NRG3: variants seen among roughly 807,000 people sequenced by gnomAD.
NRG3 encodes the protein pro-neuregulin-3, membrane-bound isoform.
A neutral mutation model predicts 66.9 loss-of-function variants in NRG3; 31 were observed. That is an observed-to-expected ratio of 0.46 (90% CI 0.35 to 0.63). The LOEUF is 0.63. Among genes scored for constraint, NRG3 ranks in the 20% least tolerant of loss-of-function variants. The pLI, the probability that NRG3 is intolerant of heterozygous loss-of-function variation, is 0.00. For synonymous variants in NRG3, 393 were observed against 359.4 expected, an observed-to-expected ratio of 1.09 and a Z score of -1.06; for missense variants, 910 against 878.9, an observed-to-expected ratio of 1.04 and a Z score of -0.45.
chr10:82,794,981 T>A (rs1010421915), intron 3 of NRG3, among the ~76,000 whole-genome samples: 6 of 152,192 alleles, frequency 3.9e-5, no homozygotes, highest in Non-Finnish European at 8.8e-5. Flanking sequence ...CAAATCATCA[T>A]GTGGACAGAA....
At chr10:82,335,210 A>T (rs1449398313) in intron 1 of NRG3, among the ~76,000 whole-genome samples, 1 of 152,218 alleles carries the variant, frequency 6.6e-6, no homozygotes, top group Non-Finnish European at 1.5e-5. Flanking sequence ...TGATGTTTAG[A>T]TGTGATGCCT....
intron 1 of NRG3, among the ~76,000 whole-genome samples, chr10:82,138,186 G>C (rs764670194): frequency 3.5e-4 from 54 of 152,168 alleles, no homozygotes; most frequent in Admixed American, 1.7e-3. Flanking sequence ...GTGTGTGTGT[G>C]TTTTGTCTTG....
chr10:82,717,851 CT>C (rs57465728), intron 2 of NRG3, among the ~76,000 whole-genome samples: 352 of 143,584 alleles, frequency 2.5e-3, no homozygotes, highest in Admixed American at 2.3e-3. Flanking sequence ...ATTGAAAAGT[CT>C]TTTTTTTTTT....
At position 82,986,702 on chromosome 10, in the gene NRG3, A is replaced by G. The variant is rs765988867; in HGVS notation, c.*1097A>G. The G allele has an allele frequency of 1.3e-5, 2 of 152,176 alleles. No homozygotes were observed. Among genetic ancestry groups the G allele is most frequent in the Non-Finnish European group, 2.9e-5 (2 of 68,036 alleles). The allele number at this position is 152,176 out of a possible 1,614,324, so 9.4% of individuals were successfully genotyped here. The stretch of plus-strand genomic sequence containing the variant: ...AGGATCAACTATTGGCTCATTAATG[A>G]TATCAGTATCATAAGGTGAGTTCAT... On this transcript the variant is annotated 3_prime_UTR_variant, in exon 9 of 9. Coordinates refer to ENST00000372141, the MANE Select transcript of NRG3 (RefSeq NM_001010848.4).
rs1194622758 is a variant in NRG3 at position 82,899,016 on chromosome 10, T to C, written c.1054+33579T>C. The stretch of plus-strand genomic sequence containing the variant: ...TGAGCCACCGCATCTGGCCAGGAGT[T>C]TTTATTTCATTGGTTACACGCAGTG... On this transcript the variant is annotated intron_variant, in intron 4 of 8. Transcript: ENST00000372141. Among the ~76,000 whole-genome samples the C allele has an allele frequency of 2.0e-5, 3 of 152,114 alleles. No individual in the cohort carries two copies. In the South Asian group the frequency reaches 6.2e-4, roughly 32 times the overall value.
intron 2 of NRG3, among the ~76,000 whole-genome samples, chr10:82,476,168 GA>G (rs1257413436): frequency 6.6e-6 from 1 of 152,124 alleles, no homozygotes; most frequent in Non-Finnish European, 1.5e-5. Flanking sequence ...TGGCTAATAT[GA>G]AAAACAAAGC....
chr10:82,210,286 G>A (rs762941923), intron 1 of NRG3, among the ~76,000 whole-genome samples: 5 of 152,078 alleles, frequency 3.3e-5, no homozygotes, highest in East Asian at 1.9e-4. Flanking sequence ...ATTAAAGTCC[G>A]GCTCCCATCT....
chr10:82,182,370 G>A lies in NRG3; in HGVS notation c.824-176369G>A, dbSNP rs879095762. Among the ~76,000 whole-genome samples, 9 of 151,414 alleles carry A rather than the reference G, an allele frequency of 5.9e-5. No individual in the cohort carries two copies. In the South Asian group the frequency reaches 1.9e-3, roughly 32 times the overall value. ...CTTTATGTTTCATTGATTTTTTATA[G>A]TGACATGCATTGTTTTCTTTCTCAT... On this transcript the variant is annotated intron_variant, in intron 1 of 8. Transcript: ENST00000372141.
intron 2 of NRG3, among the ~76,000 whole-genome samples, chr10:82,651,776 G>A (rs185294970): frequency 6.6e-6 from 1 of 152,158 alleles, no homozygotes; most frequent in Non-Finnish European, 1.5e-5. Flanking sequence ...TGGCCTCATA[G>A]ATATATGAGG....
At chr10:82,112,936 T>A (rs530029344) in intron 1 of NRG3, among the ~76,000 whole-genome samples, 1 of 152,220 alleles carries the variant, frequency 6.6e-6, no homozygotes, top group South Asian at 2.1e-4. Context: ...TGCCCCATGG[T>A]TGATGAAATA....
intron 1 of NRG3, among the ~76,000 whole-genome samples, chr10:82,251,182 A>T (rs1342789082): frequency 6.6e-6 from 1 of 152,100 alleles, no homozygotes; most frequent in African/African-American, 2.4e-5. Flanking sequence ...TGGCACTTAA[A>T]GCTTCCTTAG....
At chr10:82,057,700 A>C (rs932248602) in intron 1 of NRG3, among the ~76,000 whole-genome samples, 2 of 152,088 alleles carry the variant, frequency 1.3e-5, no homozygotes, top group African/African-American at 4.8e-5. Flanking sequence ...AGAATTATCA[A>C]GAGAGTTCTC....
intron 1 of NRG3, among the ~76,000 whole-genome samples, chr10:82,269,553 G>A (rs983320467): frequency 5.3e-5 from 8 of 152,050 alleles, no homozygotes; most frequent in African/African-American, 1.9e-4. Context: ...GTAACCCAGA[G>A]TCAGCCGAAA....
chr10:82,267,244 C>G (rs1004469815), intron 1 of NRG3, among the ~76,000 whole-genome samples: 30 of 152,130 alleles, frequency 2.0e-4, no homozygotes, highest in African/African-American at 7.0e-4. Context: ...GACTGACTAT[C>G]ACATGCATAC....
At chr10:82,688,712 A>G (rs1360370359) in intron 2 of NRG3, among the ~76,000 whole-genome samples, 1 of 152,060 alleles carries the variant, frequency 6.6e-6, no homozygotes, top group Non-Finnish European at 1.5e-5. Context: ...TAGCAGTTTT[A>G]TAAATCATGT....
At chr10:82,667,974 A>T (rs1565183677) in intron 2 of NRG3, among the ~76,000 whole-genome samples, 1 of 152,214 alleles carries the variant, frequency 6.6e-6, no homozygotes, top group Non-Finnish European at 1.5e-5. Context: ...AGTGAAAATA[A>T]TACAGGAGCT....
At chr10:81,916,504 A>C (rs1845722830) in intron 1 of NRG3, among the ~76,000 whole-genome samples, 1 of 152,194 alleles carries the variant, frequency 6.6e-6, no homozygotes, top group Non-Finnish European at 1.5e-5. Context: ...AGGCTAGGTG[A>C]CATAAAAGAC....
At chr10:82,768,398 T>C (rs547205065) in intron 3 of NRG3, among the ~76,000 whole-genome samples, 2 of 152,284 alleles carry the variant, frequency 1.3e-5, no homozygotes, top group Admixed American at 6.5e-5. Flanking sequence ...ACCCTGATGG[T>C]TCTTTATCAA....
intron 1 of NRG3, among the ~76,000 whole-genome samples, chr10:82,165,245 AAGT>A (rs1374407219): frequency 1.3e-5 from 2 of 152,064 alleles, no homozygotes; most frequent in African/African-American, 4.8e-5. Flanking sequence ...TTTCAATGAG[AAGT>A]AGTACTGGGA....
Sources: gnomAD v4.1 joint callset for allele counts (sites outside exome capture counted in the v4.1 genomes callset) on GRCh38, gnomAD v4.1.1 for gene constraint, MANE v1.5 for transcripts, NCBI Gene and HGNC (gene_info 2026-07-23, HGNC 2026-07-21) for gene names.